PMFBP1: variants seen among roughly 807,000 people sequenced by gnomAD.
The protein encoded by PMFBP1 is polyamine modulated factor 1 binding protein 1.
Under a neutral mutation model 137.8 loss-of-function variants are expected in PMFBP1, and 131 were observed. That is an observed-to-expected ratio of 0.95 (90% CI 0.82 to 1.10). The LOEUF (loss-of-function observed/expected upper bound fraction) is 1.10, where lower values mean the gene tolerates loss of function less well. Among genes scored for constraint, PMFBP1 ranks in the 50% least tolerant of loss-of-function variants. PMFBP1 has a pLI of 0.00. For missense variants in PMFBP1, 1,199 were observed against 1,175.4 expected, an observed-to-expected ratio of 1.02 and a Z score of -0.29; for synonymous variants, 490 against 450.4, an observed-to-expected ratio of 1.09 and a Z score of -1.11.
the PMFBP1 span, among the ~76,000 whole-genome samples, chr16:72,183,466 T>C: frequency 1.3e-5 from 2 of 152,164 alleles, no homozygotes; most frequent in South Asian, 4.1e-4. Flanking sequence ...AGACTCATCA[T>C]CCCAGTCTCT....
intron 2 of PMFBP1, among the ~76,000 whole-genome samples, chr16:72,167,383 C>T (rs1352370351): frequency 6.6e-6 from 1 of 152,164 alleles, no homozygotes; most frequent in African/African-American, 2.4e-5. Flanking sequence ...TCTCCCTCCT[C>T]CTCTCTTGCT....
the PMFBP1 span, among the ~76,000 whole-genome samples, chr16:72,225,358 C>T: frequency 1.3e-5 from 2 of 152,100 alleles, no homozygotes; most frequent in Non-Finnish European, 2.9e-5. Context: ...CCTTAGGTCA[C>T]TCTTTTATCT....
chr16:72,164,930 A>G lies in PMFBP1; in HGVS notation c.13-14T>C. On this transcript the variant is annotated splice_polypyrimidine_tract_variant and intron_variant, in intron 2 of 20. Transcript: ENST00000237353. ...TCTCTCCCCCGCCTAGGCAGCCAGA[A>G]AAACAAAAGCATCAATTATAAACTA... 6.4e-7 allele frequency: 1 copy of G among 1,573,214 alleles called. No individual in the cohort carries two copies. Among genetic ancestry groups the G allele is most frequent in the East Asian group, 2.3e-5 (1 of 43,888 alleles).
chr16:72,188,394 G>A, the PMFBP1 span, among the ~76,000 whole-genome samples: 1 of 152,304 alleles, frequency 6.6e-6, no homozygotes, highest in Non-Finnish European at 1.5e-5. Flanking sequence ...TCTCTTACGT[G>A]CTCCCTAACC....
intron 9 of PMFBP1, among the ~76,000 whole-genome samples, chr16:72,134,104 G>A (rs752935721): frequency 5.9e-5 from 9 of 152,168 alleles, no homozygotes; most frequent in South Asian, 2.1e-4. Flanking sequence ...CTCTCAAGTC[G>A]CCTGCTTGGC....
At chr16:72,137,559 C>A (rs2042651248) in intron 7 of PMFBP1, among the ~76,000 whole-genome samples, 1 of 152,084 alleles carries the variant, frequency 6.6e-6, no homozygotes, top group Non-Finnish European at 1.5e-5. Flanking sequence ...GGCGGGGAGA[C>A]CAGCCAGAGA....
chr16:72,173,635 G>A (rs1250965212), upstream of PMFBP1, among the ~76,000 whole-genome samples: 1 of 152,204 alleles, frequency 6.6e-6, no homozygotes, highest in Non-Finnish European at 1.5e-5. Context: ...AGTTTGGAAG[G>A]GCTTATGATG....
At chr16:72,133,541 T>C (rs1053527956) in intron 9 of PMFBP1, among the ~76,000 whole-genome samples, 1 of 152,094 alleles carries the variant, frequency 6.6e-6, no homozygotes, top group African/African-American at 2.4e-5. Flanking sequence ...CAGGCTGGAG[T>C]GCAGTGGCAC....
At chr16:72,193,929 T>C in the PMFBP1 span, among the ~76,000 whole-genome samples, 1 of 150,884 alleles carries the variant, frequency 6.6e-6, no homozygotes, top group Non-Finnish European at 1.5e-5. Context: ...CATTACAACC[T>C]CCCCATGAGG....
chr16:72,142,440 T>C (rs1240596727), intron 5 of PMFBP1, among the ~76,000 whole-genome samples: 1 of 152,148 alleles, frequency 6.6e-6, no homozygotes, highest in African/African-American at 2.4e-5. Flanking sequence ...TTCAAAGAGA[T>C]AAAATAGGTA....
chr16:72,210,602 T>G, the PMFBP1 span, among the ~76,000 whole-genome samples: 1 of 152,174 alleles, frequency 6.6e-6, no homozygotes, highest in Admixed American at 6.5e-5. Flanking sequence ...ACTCCTGGCA[T>G]AATATTCTTT....
At chr16:72,190,903 C>T in the PMFBP1 span, among the ~76,000 whole-genome samples, 3 of 152,154 alleles carry the variant, frequency 2.0e-5, no homozygotes, top group African/African-American at 7.2e-5. Flanking sequence ...GCTTCCTTAA[C>T]GGAGTACCAG....
chr16:72,158,477 G>C (rs2043014231), intron 3 of PMFBP1, among the ~76,000 whole-genome samples: 1 of 152,102 alleles, frequency 6.6e-6, no homozygotes, highest in Non-Finnish European at 1.5e-5. Flanking sequence ...AGTGGCGTGT[G>C]TGGTGTGCTC....
the PMFBP1 span, among the ~76,000 whole-genome samples, chr16:72,210,937 A>G: frequency 1.3e-5 from 2 of 152,216 alleles, no homozygotes; most frequent in Non-Finnish European, 2.9e-5. Flanking sequence ...AAGATCTTCC[A>G]TATGCCAGAA....
chr16:72,118,763 C>CGGG (rs138426851), downstream of PMFBP1, among the ~76,000 whole-genome samples: 2 of 134,084 alleles, frequency 1.5e-5, no homozygotes, highest in East Asian at 2.0e-4. Flanking sequence ...CGGTGGTGGG[C>CGGG]GGGGGGGCAG....
upstream of PMFBP1, among the ~76,000 whole-genome samples, chr16:72,177,985 A>G (rs2043264329): frequency 6.6e-6 from 1 of 152,028 alleles, no homozygotes. Flanking sequence ...TCGACTTCCC[A>G]GGCTCAAGCA....
the PMFBP1 span, among the ~76,000 whole-genome samples, chr16:72,190,386 G>C: frequency 6.6e-6 from 1 of 152,176 alleles, no homozygotes. Flanking sequence ...AGCCATGCTT[G>C]ATTTCTCTCA....
the PMFBP1 span, among the ~76,000 whole-genome samples, chr16:72,221,368 C>T: frequency 0.016 from 2,394 of 152,288 alleles, 26 homozygotes; most frequent in Non-Finnish European, 0.023. Context: ...GCACTCAGCT[C>T]ATAAATCACA....
chr16:72,173,838 G>A (rs1183835674), upstream of PMFBP1: 1 of 152,198 alleles, frequency 6.6e-6, no homozygotes, highest in Non-Finnish European at 1.5e-5. Flanking sequence ...CCAGAGGCAG[G>A]GACTCTCTAC....
Sources: allele counts gnomAD v4.1 joint callset (sites outside exome capture counted in the v4.1 genomes callset), GRCh38; gene constraint gnomAD v4.1.1; transcripts MANE v1.5; gene names NCBI Gene and HGNC (gene_info 2026-07-23, HGNC 2026-07-21).